ATRNL1: variants seen among roughly 807,000 people sequenced by gnomAD.
ATRNL1 encodes the protein attractin like 1, also known as attractin-like protein 1.
Under a neutral mutation model 182.7 loss-of-function variants are expected in ATRNL1, and 95 were observed. The observed-to-expected ratio is 0.52, with a 90% CI of 0.44 to 0.62. The LOEUF (loss-of-function observed/expected upper bound fraction) is 0.62, where lower values mean the gene tolerates loss of function less well. Among genes scored for constraint, ATRNL1 ranks in the 20% least tolerant of loss-of-function variants. ATRNL1 has a pLI of 0.00. For missense variants in ATRNL1, 1,471 were observed against 1,679.5 expected (o/e 0.88, Z 2.17); for synonymous variants, 576 against 568.3 (o/e 1.01, Z -0.19).
chr10:115,623,106 C>G (rs113988692), intron 26 of ATRNL1, among the ~76,000 whole-genome samples: 26 of 151,992 alleles, frequency 1.7e-4, no homozygotes, highest in African/African-American at 6.0e-4. Flanking sequence ...ATAGGTCAAG[C>G]ATATAAAAAT....
chr10:115,819,901 C>G (rs1465649115), intron 27 of ATRNL1: 1 of 138,634 alleles, frequency 7.2e-6, no homozygotes, highest in Admixed American at 7.3e-5. Context: ...AGAAATAAGT[C>G]AAAAAAAAAA....
rs199706454 is a variant in ATRNL1 at position 115,519,307 on chromosome 10, T to C, written c.3699T>C (p.Phe1233=). 8.1e-6 allele frequency: 13 copies of C among 1,611,286 alleles called. No homozygotes were observed. In the Admixed American group the frequency reaches 1.3e-4, roughly 17 times the overall value. ...ATACAATCATGGACCTTGTGCAGTT[T>C]TTTGTCACCTTCTTCAGGTAAAAGT... ...QHNTIMDLVQ[F]FVTFFSCFLS... is the part of the protein sequence containing the mutation. Residue 1233 remains phenylalanine (F), a synonymous_variant, in exon 25 of 29, where the codon TTT becomes TTC. Coordinates refer to ENST00000355044, the MANE Select transcript of ATRNL1 (RefSeq NM_207303.4).
chr10:115,642,284 CAA>C (rs1157159495), intron 26 of ATRNL1, among the ~76,000 whole-genome samples: 1 of 152,108 alleles, frequency 6.6e-6, no homozygotes, highest in African/African-American at 2.4e-5. Context: ...ATGAATTTAA[CAA>C]AGTGTTCTGA....
At chr10:115,348,245 T>C (rs1251618385) in intron 19 of ATRNL1, among the ~76,000 whole-genome samples, 2 of 152,192 alleles carry the variant, frequency 1.3e-5, no homozygotes, top group African/African-American at 4.8e-5. Context: ...AGTGCTGGAA[T>C]TACAGGCATG....
intron 26 of ATRNL1, among the ~76,000 whole-genome samples, chr10:115,696,053 C>T: frequency 6.6e-6 from 1 of 152,128 alleles, no homozygotes; most frequent in East Asian, 1.9e-4. Context: ...CGCCTGCTAC[C>T]ACACCCGGCT....
Position 115,127,590 on chromosome 10 carries a change from T to C in ATRNL1, c.492-3T>C. The C allele has an allele frequency of 1.2e-6, 2 of 1,608,298 alleles. No individual in the cohort carries two copies. Among genetic ancestry groups the C allele is most frequent in the African/African-American group, 2.7e-5 (2 of 74,710 alleles). Reference sequence around the variant, plus strand: ...TACAATATTCAGTTTTGTTCTCTTTTAGTGGTTTGATAGTCCCTGAAATAA... The same window carrying C: ...TACAATATTCAGTTTTGTTCTCTTTCAGTGGTTTGATAGTCCCTGAAATAA... On this transcript the variant is annotated splice_polypyrimidine_tract_variant and splice_region_variant and intron_variant, in intron 3 of 28. Coordinates refer to ENST00000355044, the MANE Select transcript of ATRNL1 (RefSeq NM_207303.4).
At chr10:115,336,978 T>TG (rs34446671) in intron 19 of ATRNL1, among the ~76,000 whole-genome samples, 29,543 of 142,764 alleles carry the variant, frequency 0.21, 3,849 homozygotes, top group Non-Finnish European at 0.3. Context: ...CCCAAGTAGC[T>TG]GGGGGGGGGG....
At chr10:115,496,139 C>G (rs1182934584) in intron 24 of ATRNL1, among the ~76,000 whole-genome samples, 1 of 152,042 alleles carries the variant, frequency 6.6e-6, no homozygotes, top group African/African-American at 2.4e-5. Flanking sequence ...TAATAGCAAC[C>G]CTTGCTGTTT....
At chr10:115,374,824 G>A (rs1399980155) in intron 19 of ATRNL1, among the ~76,000 whole-genome samples, 3 of 151,830 alleles carry the variant, frequency 2.0e-5, no homozygotes, top group South Asian at 2.1e-4. Context: ...TACCATTGTG[G>A]TTGGCAAAGA....
intron 1 of ATRNL1, among the ~76,000 whole-genome samples, chr10:115,118,260 C>T (rs968854194): frequency 3.9e-5 from 6 of 152,088 alleles, no homozygotes; most frequent in African/African-American, 1.4e-4. Context: ...GGTTATTCCT[C>T]AAGAAATCTT....
intron 26 of ATRNL1, among the ~76,000 whole-genome samples, chr10:115,704,447 G>A (rs1022058964): frequency 1.3e-5 from 2 of 151,764 alleles, no homozygotes; most frequent in Admixed American, 6.6e-5. Flanking sequence ...TCTGACATAC[G>A]AGGGTTTAGG....
At chr10:115,370,757 G>A (rs1199247942) in intron 19 of ATRNL1, among the ~76,000 whole-genome samples, 2 of 152,230 alleles carry the variant, frequency 1.3e-5, no homozygotes, top group Non-Finnish European at 2.9e-5. Flanking sequence ...CCATTTTTCT[G>A]AGGAGAAATT....
At chr10:115,677,905 G>T (rs1945918993) in intron 26 of ATRNL1, among the ~76,000 whole-genome samples, 1 of 152,016 alleles carries the variant, frequency 6.6e-6, no homozygotes, top group South Asian at 2.1e-4. Flanking sequence ...ATAGCCTGGG[G>T]CCAGCAGATA....
chr10:115,359,812 A>C (rs567158851), intron 19 of ATRNL1, among the ~76,000 whole-genome samples: 1 of 151,606 alleles, frequency 6.6e-6, no homozygotes, highest in African/African-American at 2.4e-5. Flanking sequence ...TTGACTCACT[A>C]ACCTATTAAT....
intron 19 of ATRNL1, among the ~76,000 whole-genome samples, chr10:115,366,682 C>T (rs1161070008): frequency 3.3e-5 from 5 of 151,472 alleles, no homozygotes. Context: ...ATGTTTAGTG[C>T]TTCCTTCAGG....
intron 26 of ATRNL1, among the ~76,000 whole-genome samples, chr10:115,656,197 C>G (rs902507471): frequency 6.6e-6 from 1 of 152,112 alleles, no homozygotes; most frequent in Non-Finnish European, 1.5e-5. Flanking sequence ...TTTGTAATGT[C>G]CCCTTTATTA....
chr10:115,707,214 CTT>C (rs1157505442), intron 26 of ATRNL1, among the ~76,000 whole-genome samples: 1 of 151,770 alleles, frequency 6.6e-6, no homozygotes, highest in Non-Finnish European at 1.5e-5. Context: ...TCATTGCACT[CTT>C]ATCGTATCAG....
intron 28 of ATRNL1, among the ~76,000 whole-genome samples, chr10:115,867,566 T>G (rs1292430646): frequency 6.6e-6 from 1 of 152,142 alleles, no homozygotes; most frequent in Admixed American, 6.5e-5. Flanking sequence ...GTCATTAGCA[T>G]AACAGGATCA....
At position 115,511,532 on chromosome 10, in the gene ATRNL1, T is replaced by C. The variant is rs534173989; in HGVS notation, c.3655-7731T>C. ...TTTCCTTTTTTGTTTATCTGAAATA[T>C]TATATCAGAGTTTATTATGTCTGGC... On this transcript the variant is annotated intron_variant, in intron 24 of 28. Coordinates refer to ENST00000355044, the MANE Select transcript of ATRNL1 (RefSeq NM_207303.4). 9.9e-4 allele frequency among the ~76,000 whole-genome samples: 150 copies of C among 151,988 alleles called. 2 individuals are homozygous for C. The South Asian group carries it at 0.029, about 30-fold the overall frequency.
Sources: gnomAD v4.1 joint callset for allele counts (sites outside exome capture counted in the v4.1 genomes callset) on GRCh38, gnomAD v4.1.1 for gene constraint, MANE v1.5 for transcripts, NCBI Gene and HGNC (gene_info 2026-07-23, HGNC 2026-07-21) for gene names.